The following HEMGN variants were observed in gnomAD, a reference collection of about 807,000 sequenced individuals.
The protein encoded by HEMGN is hemogen.
A neutral mutation model predicts 45.7 loss-of-function variants in HEMGN; 32 were observed. The ratio of observed to expected loss-of-function variants is 0.70; its 90% CI spans 0.53 to 0.94. HEMGN has a LOEUF of 0.94. Among genes scored for constraint, HEMGN ranks in the 40% least tolerant of loss-of-function variants. The pLI, the probability that HEMGN is intolerant of heterozygous loss-of-function variation, is 0.00. For synonymous variants in HEMGN, 183 were observed against 178.6 expected (o/e 1.02, Z -0.20); for missense variants, 530 against 564.2 (o/e 0.94, Z 0.61).
chr9:97,928,084 T>G (rs964253832), intron 3 of HEMGN, among the ~76,000 whole-genome samples: 1 of 150,442 alleles, frequency 6.6e-6, no homozygotes, highest in South Asian at 2.1e-4. Context: ...TGGAGTGCAG[T>G]GGCGCGATCT....
At chr9:97,928,025 A>ATT (rs568022099) in intron 3 of HEMGN, among the ~76,000 whole-genome samples, 2,029 of 127,466 alleles carry the variant, frequency 0.016, 22 homozygotes, top group East Asian at 0.053. Context: ...GATCAAGTGT[A>ATT]TTTTTTTTTT....
Position 97,927,185 on chromosome 9 carries a change from A to T in HEMGN, c.*199T>A. The T allele has an allele frequency of 4.5e-6, 2 of 441,474 alleles. No individual in the cohort carries two copies. The highest frequency in any genetic ancestry group is 7.5e-5 in the South Asian group (2 of 26,736). The allele number at this position is 441,474 out of a possible 1,614,324, so 27.3% of individuals were successfully genotyped here. On this transcript the variant is annotated 3_prime_UTR_variant, in exon 4 of 4. Coordinates refer to ENST00000616898, the MANE Select transcript of HEMGN (RefSeq NM_197978.3). ...TACATACATACACACACACACACACACACACACACACACATTCTAGCATGA... is the reference window on the plus strand; with the variant it reads ...TACATACATACACACACACACACACTCACACACACACACATTCTAGCATGA...
chr9:97,935,594 C>T (rs1282941074), intron 2 of HEMGN, among the ~76,000 whole-genome samples: 1 of 152,152 alleles, frequency 6.6e-6, no homozygotes, highest in Non-Finnish European at 1.5e-5. Flanking sequence ...AAGCAAGTCC[C>T]CAGTTTCCAC....
rs768985827 is a variant in HEMGN at position 97,930,215 on chromosome 9, A to G, written c.1180T>C (p.Tyr394His). 6.2e-7 allele frequency: 1 copy of G among 1,614,048 alleles called. No individual in the cohort carries two copies. Among genetic ancestry groups the G allele is most frequent in the South Asian group, 1.1e-5 (1 of 91,064 alleles). Residue 394 changes from tyrosine to histidine, a missense_variant, in exon 3 of 4, where the codon TAT (tyrosine) becomes CAT (histidine). Transcript: ENST00000616898. ...IYQETSQLEE[Y>H]SPEIYQETPG... is the part of the protein sequence containing the mutation. ...GTTTCTTGGTATATTTCAGGTGAAT[A>G]TTCTTCAAGCTGGGATGTTTCTTGG...
Position 97,927,347 on chromosome 9 carries a change from A to C in HEMGN, c.*37T>G. The C allele has an allele frequency of 8.9e-7, 1 of 1,123,812 alleles. No individual in the cohort carries two copies. Among genetic ancestry groups the C allele is most frequent in the East Asian group, 2.4e-5 (1 of 42,180 alleles). The allele number at this position is 1,123,812 out of a possible 1,614,324, so 69.6% of individuals were successfully genotyped here. On this transcript the variant is annotated 3_prime_UTR_variant, in exon 4 of 4. Transcript: ENST00000616898. ...AATCACGCATAAACTATTAAGCTGTATGTTCCATTGGACCACAACTTTATG... is the reference window on the plus strand; with the variant it reads ...AATCACGCATAAACTATTAAGCTGTCTGTTCCATTGGACCACAACTTTATG...
In HEMGN at chr9:97,930,516, C is replaced by T. The variant is rs758332990; in HGVS notation, c.879G>A (p.Glu293=). The part of the protein sequence containing the change: ...EYNETDQGIA[E]TEGLFPKIQE... Reference sequence around the variant, plus strand: ...GTATTTTAGGAAAAAGGCCTTCTGTCTCAGCTATTCCTTGATCTGTTTCAT... The same window carrying T: ...GTATTTTAGGAAAAAGGCCTTCTGTTTCAGCTATTCCTTGATCTGTTTCAT... Residue 293 remains glutamate (E), a synonymous_variant, in exon 3 of 4, where the codon GAG becomes GAA. Transcript: ENST00000616898. 8 of 1,614,108 alleles carry T rather than the reference C, an allele frequency of 5.0e-6. No individual in the cohort carries two copies. Among genetic ancestry groups the T allele is most frequent in the Non-Finnish European group, 6.8e-6 (8 of 1,180,004 alleles).
intron 2 of HEMGN, 49 bp downstream of exon 2, chr9:97,936,122 C>T: frequency 8.3e-7 from 1 of 1,205,214 alleles, no homozygotes; most frequent in Non-Finnish European, 1.2e-6. Flanking sequence ...TTATGCATAA[C>T]ATCCTCAATA....
chr9:97,937,376 C>G (rs1478873877), intron 1 of HEMGN, among the ~76,000 whole-genome samples: 2 of 152,076 alleles, frequency 1.3e-5, no homozygotes, highest in South Asian at 2.1e-4. Context: ...CTCCCTCCCC[C>G]TCAGCATATG....
chr9:97,932,803 C>CAAAAAAAA (rs5899328), intron 2 of HEMGN, among the ~76,000 whole-genome samples: 1 of 87,286 alleles, frequency 1.1e-5, no homozygotes, highest in African/African-American at 4.9e-5. Flanking sequence ...GACTCTGTCT[C>CAAAAAAAA]AAAAAAAAAA....
rs764727204 is a variant in HEMGN at position 97,936,258 on chromosome 9, A to G, written c.86T>C (p.Ile29Thr). 1.1e-5 allele frequency: 18 copies of G among 1,603,316 alleles called. No individual in the cohort carries two copies. Among genetic ancestry groups the G allele is most frequent in the South Asian group, 2.2e-5 (2 of 90,910 alleles). ...TCTGTTTCTCAAACTCCAGGTTCCA[A>G]TGACTTCTGTAATAAAATGAAAGTG... ...HQEENHSPEV[I>T]GTWSLRNREL... is the part of the protein sequence containing the mutation. Residue 29 changes from isoleucine to threonine, a missense_variant, in exon 2 of 4, where the codon ATT becomes ACT. Coordinates refer to ENST00000616898, the MANE Select transcript of HEMGN (RefSeq NM_197978.3).
At chr9:97,936,312 T>G (rs745894960) in intron 1 of HEMGN, 48 bp from the exon 2 acceptor site, 34 of 1,331,118 alleles carry the variant, frequency 2.6e-5, no homozygotes, top group South Asian at 3.5e-5. Flanking sequence ...CTGTGGTGTC[T>G]ATCAGCAAAA....
At chr9:97,936,121 A>G (rs367809028) in intron 2 of HEMGN, 50 bp downstream of exon 2, 13 of 1,198,918 alleles carry the variant, frequency 1.1e-5, no homozygotes, top group Non-Finnish European at 1.6e-5. Context: ...TTTATGCATA[A>G]CATCCTCAAT....
rs2131552995 is a variant in HEMGN at position 97,931,135 on chromosome 9, TC to T, written c.259del (p.Glu87SerfsTer6). 6.2e-7 allele frequency: 1 copy of T among 1,614,134 alleles called. No homozygotes were observed. Among genetic ancestry groups the T allele is most frequent in the East Asian group, 2.2e-5 (1 of 44,890 alleles). The part of the protein sequence containing the change: ...KRQQNTELKV[E>X]PQPQIEKEIV... ...TTCCTTTTCTATCTGTGGCTGAGGC[TC>T]CACCTTCAATTCTGTGTTTTGTTGT... On this transcript the variant is annotated frameshift_variant, in exon 3 of 4. Coordinates refer to ENST00000616898, the MANE Select transcript of HEMGN (RefSeq NM_197978.3). LOFTEE classifies it high-confidence loss of function.
intron 2 of HEMGN, among the ~76,000 whole-genome samples, chr9:97,934,261 C>T (rs1294575768): frequency 6.6e-6 from 1 of 151,952 alleles, no homozygotes; most frequent in Non-Finnish European, 1.5e-5. Flanking sequence ...GCAGGAGAGT[C>T]ACTTGAACCT....
upstream of HEMGN, among the ~76,000 whole-genome samples, chr9:97,941,678 T>C (rs533189154): frequency 1.3e-5 from 2 of 152,120 alleles, no homozygotes; most frequent in Non-Finnish European, 2.9e-5. Flanking sequence ...ATCAGGAAGA[T>C]TGGGAGAAGC....
intron 1 of HEMGN, among the ~76,000 whole-genome samples, chr9:97,943,989 CCT>C (rs1480557372): frequency 3.3e-5 from 5 of 152,088 alleles, no homozygotes; most frequent in Non-Finnish European, 7.4e-5. Context: ...GGTGTTCTCA[CCT>C]CTCTCTCCCT....
In HEMGN at chr9:97,936,128, C is replaced by G. The variant is rs1413691517; in HGVS notation, c.173+43G>C. The G allele has an allele frequency of 2.4e-6, 3 of 1,264,972 alleles. No individual in the cohort carries two copies. In the African/African-American group the frequency reaches 4.4e-5, roughly 19 times the overall value. 78.4% of individuals were successfully genotyped at this position (1,264,972 alleles called of 1,614,324 possible). On this transcript the variant is annotated intron_variant, in intron 2 of 3. Transcript: ENST00000616898. ...AGCACTACTTTATGCATAACATCCT[C>G]AATAAATATATTAGTTCCCTTTCCC...
Position 97,930,316 on chromosome 9 carries a change from GT to G in HEMGN, c.1078del (p.Thr360LeufsTer96). The G allele has an allele frequency of 6.2e-7, 1 of 1,613,756 alleles. No homozygotes were observed. Among genetic ancestry groups the G allele is most frequent in the Admixed American group, 1.7e-5 (1 of 59,938 alleles). ...EDYSIEINQE[T>X]PGSEKYSPET... is the part of the protein sequence containing the mutation. ...AGGTGAATATTTTTCAGACCCAGGA[GT>G]TTCTTGGTTTATTTCAATTGAATAG... is the stretch of plus-strand genomic sequence containing the variant. On this transcript the variant is annotated frameshift_variant, in exon 3 of 4. Coordinates refer to ENST00000616898, the MANE Select transcript of HEMGN (RefSeq NM_197978.3). LOFTEE classifies it high-confidence loss of function.
chr9:97,942,599 T>C (rs1392948003), upstream of HEMGN, among the ~76,000 whole-genome samples: 2 of 152,174 alleles, frequency 1.3e-5, no homozygotes, highest in African/African-American at 4.8e-5. Flanking sequence ...GCCCTCTTCC[T>C]ACTAGAACAA....
Sources: gnomAD v4.1 joint callset for allele counts (sites outside exome capture counted in the v4.1 genomes callset) on GRCh38, gnomAD v4.1.1 for gene constraint, MANE v1.5 for transcripts, NCBI Gene and HGNC (gene_info 2026-07-23, HGNC 2026-07-21) for gene names.